Variants in FAM118A observed in about 807,000 individuals in gnomAD.
FAM118A encodes the protein protein FAM118A.
A neutral mutation model predicts 38.2 loss-of-function variants in FAM118A; 25 were observed. That is an observed-to-expected ratio of 0.65 (90% confidence interval 0.48 to 0.91). The LOEUF (loss-of-function observed/expected upper bound fraction) is 0.91. Ranked by LOEUF, FAM118A falls within the 40% of genes least tolerant of loss-of-function variation. FAM118A has a pLI of 0.00. For missense variants in FAM118A, 425 were observed against 463.3 expected, an observed-to-expected ratio of 0.92 and a Z score of 0.76; for synonymous variants, 178 against 184.1, an observed-to-expected ratio of 0.97 and a Z score of 0.27.
intron 6 of FAM118A, among the ~76,000 whole-genome samples, chr22:45,333,169 G>C (rs2085846352): frequency 6.6e-6 from 1 of 152,106 alleles, no homozygotes; most frequent in African/African-American, 2.4e-5. Context: ...AACTGCCTCT[G>C]TAATTTAAAA....
At chr22:45,309,693 G>T (rs901713543), upstream of FAM118A, 2 of 152,274 alleles carry the variant, frequency 1.3e-5, no homozygotes, top group African/African-American at 4.8e-5. Context: ...GCTCCCCAGC[G>T]CAAGCCCTCC....
chr22:45,312,016 C>T (rs2084389990), intron 1 of FAM118A, among the ~76,000 whole-genome samples: 1 of 152,074 alleles, frequency 6.6e-6, no homozygotes, highest in South Asian at 2.1e-4. Context: ...GGCTGAGTCT[C>T]AGAGGTGGGC....
At chr22:45,314,168 G>A (rs2084501116) in intron 1 of FAM118A, among the ~76,000 whole-genome samples, 2 of 152,158 alleles carry the variant, frequency 1.3e-5, no homozygotes, top group Non-Finnish European at 2.9e-5. Context: ...GTCCTCTTGA[G>A]TTGGTAGCAT....
intron 8 of FAM118A, chr22:45,337,988 C>T: frequency 2.5e-6 from 2 of 791,888 alleles, no homozygotes; most frequent in Non-Finnish European, 3.1e-6. Context: ...GCTTTTTTTC[C>T]TGGGAGTTTT....
intron 1 of FAM118A, among the ~76,000 whole-genome samples, chr22:45,314,031 C>T (rs114033899): frequency 0.011 from 1,603 of 152,190 alleles, 28 homozygotes; most frequent in African/African-American, 0.037. Flanking sequence ...TAAATAGGCT[C>T]AGGAATGAGT....
rs568639009 is a variant in FAM118A, at chr22:45,336,219, G to A, written c.971-109G>A. ...TAGCGTGGTTGATGTCATCTCTAGT[G>A]GATGGCAGGGTCTGCTTGGCCAGTG... On this transcript the variant is annotated intron_variant, in intron 7 of 8. Transcript: ENST00000441876. 1.7e-5 allele frequency: 13 copies of A among 747,944 alleles called. No individual in the cohort carries two copies. The East Asian group carries it at 3.6e-4, about 21-fold the overall frequency. 46.3% of individuals were successfully genotyped at this position (747,944 alleles called of 1,614,324 possible).
chr22:45,338,174 A>G (rs994840992), intron 8 of FAM118A, among the ~76,000 whole-genome samples: 4 of 151,840 alleles, frequency 2.6e-5, no homozygotes, highest in African/African-American at 9.7e-5. Flanking sequence ...TCTGGAAGTC[A>G]TACTAGTTGG....
rs1289511961 is a variant in FAM118A at position 45,328,662 on chromosome 22, C to A, written c.522+599C>A. 3 of 574,738 alleles carry A rather than the reference C, an allele frequency of 5.2e-6. No individual in the cohort carries two copies. In the East Asian group the frequency reaches 8.6e-5, roughly 16 times the overall value. The allele number at this position is 574,738 out of a possible 1,614,324, so 35.6% of individuals were successfully genotyped here. On this transcript the variant is annotated intron_variant, in intron 4 of 8. Coordinates refer to ENST00000441876, the MANE Select transcript of FAM118A (RefSeq NM_017911.4). ...AAAAAAAAGTAATAATGGAAAGTGG[C>A]ACACTGGCAACTTGGGAGGCTGAGG...
intron 1 of FAM118A, among the ~76,000 whole-genome samples, chr22:45,313,103 A>C (rs1178854327): frequency 6.6e-6 from 1 of 152,158 alleles, no homozygotes; most frequent in African/African-American, 2.4e-5. Flanking sequence ...TTAGCATACA[A>C]AATGACAGCA....
At chr22:45,314,299 G>A (rs913671502) in intron 1 of FAM118A, among the ~76,000 whole-genome samples, 1 of 152,224 alleles carries the variant, frequency 6.6e-6, no homozygotes, top group Non-Finnish European at 1.5e-5. Context: ...TCTGCCTGCC[G>A]CCTCTTCTAT....
intron 1 of FAM118A, among the ~76,000 whole-genome samples, chr22:45,320,515 C>T (rs1016564976): frequency 2.0e-5 from 3 of 151,910 alleles, no homozygotes; most frequent in African/African-American, 4.8e-5. Context: ...TGGTTCACTG[C>T]AGCCTCAACC....
chr22:45,331,871 G>T (rs1044920243), intron 5 of FAM118A, among the ~76,000 whole-genome samples: 1 of 143,758 alleles, frequency 7.0e-6, no homozygotes, highest in African/African-American at 2.8e-5. Context: ...GTGCCCACCC[G>T]ACCCCGTCAG....
chr22:45,335,166 C>T (rs568450448), intron 6 of FAM118A, 184 bp from the exon 7 acceptor site: 22 of 608,546 alleles, frequency 3.6e-5, no homozygotes, highest in Admixed American at 3.1e-4. Context: ...AGCGAGTCCT[C>T]GCACCAAGCC....
At chr22:45,318,749 T>C (rs899566527) in intron 1 of FAM118A, 7 of 152,230 alleles carry the variant, frequency 4.6e-5, no homozygotes, top group African/African-American at 1.7e-4. Context: ...TATAATTGGG[T>C]ACTTTCCGTG....
chr22:45,320,239 C>T (rs764083642), intron 1 of FAM118A, among the ~76,000 whole-genome samples: 28 of 152,096 alleles, frequency 1.8e-4, no homozygotes, highest in Non-Finnish European at 3.1e-4. Context: ...CCGATGCAGG[C>T]GGATCACAAG....
At chr22:45,334,323 C>A (rs2085935315) in intron 6 of FAM118A, among the ~76,000 whole-genome samples, 1 of 152,208 alleles carries the variant, frequency 6.6e-6, no homozygotes, top group Admixed American at 6.5e-5. Context: ...GGCACACTCA[C>A]CACACACTAG....
In FAM118A at chr22:45,340,434, A is replaced by G; in HGVS notation, c.*29A>G. The stretch of plus-strand genomic sequence containing the variant: ...CTTTACAGTAAAACCTGCAACTTGA[A>G]AACTAGCCTTCTGTAACCACAGTGC... On this transcript the variant is annotated 3_prime_UTR_variant, in exon 9 of 9. Coordinates refer to ENST00000441876, the MANE Select transcript of FAM118A (RefSeq NM_017911.4). 6.2e-7 allele frequency: 1 copy of G among 1,613,770 alleles called. No homozygotes were observed. The highest frequency in any genetic ancestry group is 8.5e-7 in the Non-Finnish European group (1 of 1,179,632).
chr22:45,339,874 G>GC lies in FAM118A; in HGVS notation c.1055-512_1055-511insC, dbSNP rs557681459. Reference sequence around the variant, plus strand: ...TGGGCAGGGGTTTTCTTCAATACCTGTGAGATCTGTGCTCCTAGACGCCAT... The same window carrying GC: ...TGGGCAGGGGTTTTCTTCAATACCTGCTGAGATCTGTGCTCCTAGACGCCAT... On this transcript the variant is annotated intron_variant, in intron 8 of 8. Coordinates refer to ENST00000441876, the MANE Select transcript of FAM118A (RefSeq NM_017911.4). Among the ~76,000 whole-genome samples the GC allele has an allele frequency of 2.0e-3, 298 of 152,238 alleles. 1 individual carries two copies. Among genetic ancestry groups the GC allele is most frequent in the Non-Finnish European group, 3.5e-3 (240 of 68,020 alleles).
At chr22:45,333,255 G>A (rs1044537123) in intron 6 of FAM118A, among the ~76,000 whole-genome samples, 1 of 152,174 alleles carries the variant, frequency 6.6e-6, no homozygotes, top group Non-Finnish European at 1.5e-5. Flanking sequence ...GCTGGGCACC[G>A]TGGCTCACGC....
Sources: gnomAD v4.1 joint callset for allele counts (sites outside exome capture counted in the v4.1 genomes callset) on GRCh38, gnomAD v4.1.1 for gene constraint, MANE v1.5 for transcripts, NCBI Gene and HGNC (gene_info 2026-07-23, HGNC 2026-07-21) for gene names.